DHRS3: variants seen among roughly 807,000 people sequenced by gnomAD.
DHRS3 encodes the protein short-chain dehydrogenase/reductase 3.
DHRS3 carries 14 observed loss-of-function variants against 27.2 expected under a neutral mutation model. The ratio of observed to expected loss-of-function variants is 0.52; its 90% CI spans 0.34 to 0.81. DHRS3 has a LOEUF of 0.81. Among genes scored for constraint, DHRS3 ranks in the 30% least tolerant of loss-of-function variants. The pLI is 0.01. For missense variants in DHRS3, 322 were observed against 406.2 expected (o/e 0.79, Z 1.78); for synonymous variants, 165 against 175.9 (o/e 0.94, Z 0.49).
chr1:12,571,632 G>T (rs192753375), intron 5 of DHRS3, among the ~76,000 whole-genome samples: 1 of 151,228 alleles, frequency 6.6e-6, no homozygotes, highest in African/African-American at 2.4e-5. Flanking sequence ...CTGGGTTCCG[G>T]CAATTTTCCT....
intron 1 of DHRS3, among the ~76,000 whole-genome samples, chr1:12,596,908 G>GC (rs1356827733): frequency 2.6e-5 from 4 of 152,114 alleles, no homozygotes; most frequent in South Asian, 2.1e-4. Context: ...CTCACCCACT[G>GC]CCCCCCCAAA....
intron 1 of DHRS3, among the ~76,000 whole-genome samples, chr1:12,581,928 G>T (rs1198330549): frequency 6.6e-6 from 1 of 152,150 alleles, no homozygotes; most frequent in Admixed American, 6.6e-5. Flanking sequence ...GACTATCAGT[G>T]AAATTCCCCC....
intron 4 of DHRS3, among the ~76,000 whole-genome samples, chr1:12,575,440 CA>C (rs1412889783): frequency 6.6e-6 from 1 of 152,092 alleles, no homozygotes; most frequent in Admixed American, 6.5e-5. Context: ...CATGTCTTCA[CA>C]TTTAACCCAT....
chr1:12,597,756 CA>C (rs1207958981), intron 1 of DHRS3, among the ~76,000 whole-genome samples: 1 of 152,202 alleles, frequency 6.6e-6, no homozygotes, highest in Non-Finnish European at 1.5e-5. Flanking sequence ...ATGAAGTTGA[CA>C]ACCTGTGTGC....
Position 12,583,569 on chromosome 1 carries a change from C to G in DHRS3, c.196-2903G>C, listed in dbSNP as rs549681986. On this transcript the variant is annotated intron_variant, in intron 1 of 5. Transcript: ENST00000616661. Reference sequence around the variant, plus strand: ...CCACTCCATCCACCCATCCATCCACCCATCCATCCACTCACCTACTTATCC... The same window carrying G: ...CCACTCCATCCACCCATCCATCCACGCATCCATCCACTCACCTACTTATCC... Among the ~76,000 whole-genome samples, 80 of 148,832 alleles carry G rather than the reference C, an allele frequency of 5.4e-4. 2 individuals carry two copies. The highest frequency in any genetic ancestry group is 1.7e-3 in the African/African-American group (69 of 40,378).
intron 1 of DHRS3, among the ~76,000 whole-genome samples, chr1:12,614,990 T>C (rs890487092): frequency 1.3e-5 from 2 of 152,064 alleles, no homozygotes; most frequent in Non-Finnish European, 2.9e-5. Flanking sequence ...CAACCCATAA[T>C]TTCCCCACTC....
chr1:12,597,997 C>A (rs764822936), intron 1 of DHRS3, among the ~76,000 whole-genome samples: 1 of 152,192 alleles, frequency 6.6e-6, no homozygotes, highest in Non-Finnish European at 1.5e-5. Flanking sequence ...AAGCCTTCCA[C>A]GCTCCCCCAG....
At chr1:12,610,483 C>T (rs1408442754) in intron 1 of DHRS3, among the ~76,000 whole-genome samples, 1 of 152,194 alleles carries the variant, frequency 6.6e-6, no homozygotes, top group Non-Finnish European at 1.5e-5. Context: ...TGCATGCCTT[C>T]AGTGCCCAGA....
At position 12,592,273 on chromosome 1, in the gene DHRS3, T is replaced by C. The variant is rs1646753197; in HGVS notation, c.196-11607A>G. Among the ~76,000 whole-genome samples, 1 of 152,084 alleles carries C rather than the reference T, an allele frequency of 6.6e-6. No homozygotes were observed. The highest frequency in any genetic ancestry group is 2.1e-4 in the South Asian group (1 of 4,822). The stretch of plus-strand genomic sequence containing the variant: ...GATTAGTGTCCCCTGAGAAGCTGAG[T>C]CCAAGTCCTAACCCTTGGTACCTGT... On this transcript the variant is annotated intron_variant, in intron 1 of 5. Transcript: ENST00000616661. The surrounding 1 kb of genome is among the most constrained non-coding windows in gnomAD (Gnocchi z 4.2).
rs891879037 is a variant in DHRS3 at position 12,618,125 on chromosome 1, C to T, written c.-777G>A. On this transcript the variant is annotated 5_prime_UTR_variant, in exon 1 of 6. Transcript: ENST00000616661. This position sits in a 1 kb window ranked among gnomAD's most constrained non-coding sequence, Gnocchi z 4.2. The stretch of plus-strand genomic sequence containing the variant: ...TGGGAGTTGCCGCTCGATCCAGCTC[C>T]CCTTCTCTCCCTTTTTAGCATTTAT... Among the ~76,000 whole-genome samples, 3 of 152,202 alleles carry T rather than the reference C, an allele frequency of 2.0e-5. No homozygotes were observed. The highest frequency in any genetic ancestry group is 7.2e-5 in the African/African-American group (3 of 41,536).
At chr1:12,610,743 G>T (rs941424500) in intron 1 of DHRS3, among the ~76,000 whole-genome samples, 1 of 152,170 alleles carries the variant, frequency 6.6e-6, no homozygotes, top group African/African-American at 2.4e-5. Context: ...GGGCTTCAAT[G>T]GTTTCGTAAT....
At chr1:12,602,413 A>G (rs2100710309) in intron 1 of DHRS3, among the ~76,000 whole-genome samples, 1 of 152,312 alleles carries the variant, frequency 6.6e-6, no homozygotes, top group East Asian at 1.9e-4. Flanking sequence ...ACAGACTTCT[A>G]GAAAGGGTCA....
At chr1:12,570,065 T>C (rs183472281) in intron 5 of DHRS3, 1 of 152,324 alleles carries the variant, frequency 6.6e-6, no homozygotes, top group East Asian at 1.9e-4. Flanking sequence ...TCTCCCTTCA[T>C]ACAACACACT....
intron 1 of DHRS3, among the ~76,000 whole-genome samples, chr1:12,614,704 T>C (rs1412849443): frequency 2.7e-5 from 1 of 36,796 alleles, no homozygotes; most frequent in Non-Finnish European, 5.8e-5. Flanking sequence ...CTGGTACACT[T>C]TTTTTTTTTT....
chr1:12,583,276 CACTT>C (rs1218818460), intron 1 of DHRS3, among the ~76,000 whole-genome samples: 8 of 150,482 alleles, frequency 5.3e-5, no homozygotes, highest in Non-Finnish European at 1.2e-4. Context: ...CCCATCCCCT[CACTT>C]ACCCCATTCC....
intron 1 of DHRS3, among the ~76,000 whole-genome samples, chr1:12,601,598 C>T (rs1391644180): frequency 3.9e-5 from 6 of 152,136 alleles, no homozygotes; most frequent in African/African-American, 1.4e-4. Context: ...CTCCAGAGCC[C>T]CCATCGGGAA....
At chr1:12,595,788 G>C (rs1646791559) in intron 1 of DHRS3, among the ~76,000 whole-genome samples, 2 of 150,796 alleles carry the variant, frequency 1.3e-5, no homozygotes, top group Admixed American at 1.3e-4. Context: ...GCTGGGGAGG[G>C]GACAGGGTAG....
chr1:12,615,479 C>T (rs1445708509), intron 1 of DHRS3, among the ~76,000 whole-genome samples: 1 of 152,148 alleles, frequency 6.6e-6, no homozygotes, highest in Non-Finnish European at 1.5e-5. Flanking sequence ...TCACACCCAC[C>T]CCCCAATGCC....
rs1267884139 is a variant in DHRS3, at chr1:12,568,379, T to C, written c.870A>G (p.Gly290=). 6.2e-7 allele frequency: 1 copy of C among 1,613,964 alleles called. No homozygotes were observed. Among genetic ancestry groups the C allele is most frequent in the Non-Finnish European group, 8.5e-7 (1 of 1,179,844 alleles). Residue 290 remains glycine (G), a synonymous_variant, in exon 6 of 6, where the codon GGA becomes GGG. Coordinates refer to ENST00000616661, the MANE Select transcript of DHRS3 (RefSeq NM_004753.7). ...AALEEIHKFS[G]TYTCMNTFKG... is the part of the protein sequence containing the mutation. ...TGAAAGTGTTCATGCAGGTGTAGGT[T>C]CCTGAGAATTTGTGGATCTCCTCGA... is the stretch of plus-strand genomic sequence containing the variant.
Sources: gnomAD v4.1 joint callset for allele counts (sites outside exome capture counted in the v4.1 genomes callset) on GRCh38, gnomAD v4.1.1 for gene constraint, Gnocchi (gnomAD v3.1) non-coding constraint, MANE v1.5 for transcripts, NCBI Gene and HGNC (gene_info 2026-07-23, HGNC 2026-07-21) for gene names.